NPAS2: variants seen among roughly 807,000 people sequenced by gnomAD.
The protein encoded by NPAS2 is neuronal PAS domain-containing protein 2.
Under a neutral mutation model 107.5 loss-of-function variants are expected in NPAS2, and 23 were observed. That is an observed-to-expected ratio of 0.21 (90% confidence interval 0.15 to 0.30). The LOEUF (loss-of-function observed/expected upper bound fraction) is 0.30, where lower values mean the gene tolerates loss of function less well. Among genes scored for constraint, NPAS2 ranks in the 10% least tolerant of loss-of-function variants. The pLI is 1.00. For synonymous variants in NPAS2, 403 were observed against 417.5 expected, an observed-to-expected ratio of 0.97 and a Z score of 0.42; for missense variants, 756 against 1,043.3, an observed-to-expected ratio of 0.72 and a Z score of 3.79.
chr2:100,959,941 A>T (rs1675823731), intron 7 of NPAS2, among the ~76,000 whole-genome samples: 1 of 152,196 alleles, frequency 6.6e-6, no homozygotes, highest in East Asian at 1.9e-4. Flanking sequence ...TAATGCTATT[A>T]CCATTTCTGC....
intron 3 of NPAS2, among the ~76,000 whole-genome samples, chr2:100,929,174 G>A (rs915156209): frequency 1.3e-5 from 2 of 152,162 alleles, no homozygotes; most frequent in Admixed American, 1.3e-4. Context: ...CAAAGTGCTG[G>A]GATCACAGAC....
At chr2:100,986,217 G>T (rs1030949239) in intron 16 of NPAS2, 1 of 152,176 alleles carries the variant, frequency 6.6e-6, no homozygotes, top group African/African-American at 2.4e-5. Context: ...AGTTTGGGGA[G>T]GTCCCGTGGG....
intron 2 of NPAS2, among the ~76,000 whole-genome samples, chr2:100,910,442 C>T (rs915268620): frequency 2.6e-5 from 4 of 152,188 alleles, no homozygotes; most frequent in Admixed American, 2.0e-4. Flanking sequence ...CAATAGTTCC[C>T]TAAGTTCTCC....
chr2:100,951,080 A>G (rs1163547398), intron 7 of NPAS2, among the ~76,000 whole-genome samples: 2 of 152,022 alleles, frequency 1.3e-5, no homozygotes, highest in African/African-American at 4.8e-5. Context: ...AGCTCAGGAG[A>G]TGGGAGGGTA....
At chr2:100,901,169 G>A (rs1558855312) in intron 1 of NPAS2, among the ~76,000 whole-genome samples, 2 of 152,034 alleles carry the variant, frequency 1.3e-5, no homozygotes, top group African/African-American at 4.8e-5. Flanking sequence ...GGAGAGTAGG[G>A]AACCAAGAGG....
At chr2:100,865,060 C>G (rs757913889) in intron 1 of NPAS2, among the ~76,000 whole-genome samples, 40 of 152,150 alleles carry the variant, frequency 2.6e-4, no homozygotes, top group South Asian at 6.2e-4. Flanking sequence ...CTCCACTGTA[C>G]ATTTGTGAGA....
intron 1 of NPAS2, among the ~76,000 whole-genome samples, chr2:100,863,414 G>A (rs779067579): frequency 1.1e-4 from 17 of 152,222 alleles, no homozygotes; most frequent in Non-Finnish European, 1.6e-4. Flanking sequence ...CTGTGTGTTA[G>A]AGAAAGAGAT....
chr2:100,939,715 T>A (rs981069394), intron 5 of NPAS2, among the ~76,000 whole-genome samples: 3 of 152,194 alleles, frequency 2.0e-5, no homozygotes, highest in Admixed American at 1.3e-4. Flanking sequence ...CAGAACTGTT[T>A]GGGTAAACAG....
chr2:100,830,911 G>A (rs1050256083), intron 1 of NPAS2, among the ~76,000 whole-genome samples: 1 of 152,184 alleles, frequency 6.6e-6, no homozygotes, highest in African/African-American at 2.4e-5. Context: ...AGGGAGGGGA[G>A]GAAACATTTT....
At chr2:100,884,954 T>A (rs894806321) in intron 1 of NPAS2, among the ~76,000 whole-genome samples, 10 of 58,204 alleles carry the variant, frequency 1.7e-4, no homozygotes, top group South Asian at 8.3e-4. Flanking sequence ...ATATATATAA[T>A]TTTTTTTTTT....
intron 19 of NPAS2, 44 bp downstream of exon 19, chr2:100,990,916 A>G: frequency 1.3e-6 from 2 of 1,556,144 alleles, no homozygotes; most frequent in Non-Finnish European, 8.8e-7. Flanking sequence ...CGCTGGTGGA[A>G]TGGTTCCAGG....
At chr2:100,979,502 ATTT>A (rs757799235) in intron 15 of NPAS2, among the ~76,000 whole-genome samples, 77 of 43,248 alleles carry the variant, frequency 1.8e-3, no homozygotes, top group African/African-American at 4.1e-3. Flanking sequence ...ATATATATAT[ATTT>A]TTTTTTTTTT....
intron 8 of NPAS2, 129 bp downstream of exon 8, chr2:100,964,305 G>A (rs1676086294): frequency 5.4e-6 from 4 of 739,114 alleles, no homozygotes; most frequent in Non-Finnish European, 9.7e-6. Flanking sequence ...GAAAATCGAA[G>A]TGTCTGGCTT....
chr2:100,948,149 G>A (rs570898048), intron 5 of NPAS2, 86 bp from the exon 6 acceptor site: 59 of 1,458,798 alleles, frequency 4.0e-5, no homozygotes, highest in African/African-American at 3.5e-4. Flanking sequence ...CCAGTTCTGC[G>A]TTGTTGTGAA....
chr2:100,902,591 T>G (rs888977919), intron 1 of NPAS2, among the ~76,000 whole-genome samples: 6 of 152,180 alleles, frequency 3.9e-5, no homozygotes, highest in African/African-American at 1.2e-4. Flanking sequence ...GAATGAATAG[T>G]TTATGCTTTG....
At chr2:100,954,291 C>G (rs1462137887) in intron 7 of NPAS2, among the ~76,000 whole-genome samples, 1 of 152,188 alleles carries the variant, frequency 6.6e-6, no homozygotes, top group African/African-American at 2.4e-5. Context: ...TTTGTCCTCT[C>G]TAGGAATTGG....
At chr2:100,919,994 G>T (rs1683123020) in intron 2 of NPAS2, among the ~76,000 whole-genome samples, 1 of 152,320 alleles carries the variant, frequency 6.6e-6, no homozygotes. Flanking sequence ...TGAGGGCCAA[G>T]ACCTCTTCAT....
chr2:100,862,034 AAAT>A (rs950498044), intron 1 of NPAS2, among the ~76,000 whole-genome samples: 27 of 152,360 alleles, frequency 1.8e-4, no homozygotes, highest in African/African-American at 6.3e-4. Context: ...TGCTGTCAAA[AAAT>A]ACATTATGTC....
chr2:100,882,405 C>T lies in NPAS2; in HGVS notation c.-22-22328C>T, dbSNP rs187641501. ...TGGGCGGATCACAAGGTCAGGAGTT[C>T]GAGACCATCCTGGCTAACACAGTGA... is the stretch of plus-strand genomic sequence containing the variant. On this transcript the variant is annotated intron_variant, in intron 1 of 20. Transcript: ENST00000335681. Among the ~76,000 whole-genome samples, 14 of 152,184 alleles carry T rather than the reference C, an allele frequency of 9.2e-5. No homozygotes were observed. In the East Asian group the frequency reaches 1.4e-3, roughly 15 times the overall value.
Sources: gnomAD v4.1 joint callset for allele counts (sites outside exome capture counted in the v4.1 genomes callset) on GRCh38, gnomAD v4.1.1 for gene constraint, MANE v1.5 for transcripts, NCBI Gene and HGNC (gene_info 2026-07-23, HGNC 2026-07-21) for gene names.